Variants in TMUB1 observed in about 807,000 individuals in gnomAD.
The protein encoded by TMUB1 is transmembrane and ubiquitin-like domain-containing protein 1.
In TMUB1, 9 loss-of-function variants were observed where a neutral mutation model predicts 16.2. The observed-to-expected ratio is 0.55, with a 90% CI of 0.33 to 0.97. The LOEUF (loss-of-function observed/expected upper bound fraction) is 0.97, where lower values mean the gene tolerates loss of function less well. Ranked by LOEUF, TMUB1 falls within the 50% of genes least tolerant of loss-of-function variation. The probability of loss-of-function intolerance (pLI) is 0.03; values close to 1 mark genes in which losing one functional copy is unlikely to be tolerated. For missense variants in TMUB1, 309 were observed against 313.5 expected, an observed-to-expected ratio of 0.99 and a Z score of 0.11; for synonymous variants, 155 against 152.2, an observed-to-expected ratio of 1.02 and a Z score of -0.13.
chr7:151,081,443 A>AAGAGGCAGGCCGG lies in TMUB1; in HGVS notation c.*93_*105dup. The AAGAGGCAGGCCGG allele has an allele frequency of 2.2e-6, 3 of 1,366,534 alleles. No homozygotes were observed. The highest frequency in any genetic ancestry group is 2.8e-6 in the Non-Finnish European group (3 of 1,059,928). The allele number at this position is 1,366,534 out of a possible 1,614,324, so 84.7% of individuals were successfully genotyped here. A position where few individuals can be genotyped will look rare whatever the true frequency, so the allele number is the denominator to read the frequency against. ...CAGGGCTGGGCTCCAGGGCGGCGGG[A>AAGAGGCAGGCCGG]AGAGGCAGGCCGGAGAGGCGGGCCT... On this transcript the variant is annotated 3_prime_UTR_variant, in exon 3 of 3. Transcript: ENST00000297533. This position sits in a 1 kb window ranked among gnomAD's most constrained non-coding sequence, Gnocchi z 7.6.
At position 151,081,750 on chromosome 7, in the gene TMUB1, G is replaced by A. The variant is rs1486893707; in HGVS notation, c.540C>T (p.Pro180=). ...HVSTRVGPPN[P]PCPPGSEPGP... Reference sequence around the variant, plus strand: ...CGGGCTCGGACCCCGGCGGGCAGGGGGGATTTGGGGGACCGACTCTCGTGG... The same window carrying A: ...CGGGCTCGGACCCCGGCGGGCAGGGAGGATTTGGGGGACCGACTCTCGTGG... Residue 180 remains proline, a synonymous_variant, in exon 3 of 3, where the codon CCC becomes CCT. Coordinates refer to ENST00000297533, the MANE Select transcript of TMUB1 (RefSeq NM_001136044.2). This position sits in a 1 kb window ranked among gnomAD's most constrained non-coding sequence, Gnocchi z 7.6. 6.3e-7 allele frequency: 1 copy of A among 1,592,652 alleles called. No homozygotes were observed. The highest frequency in any genetic ancestry group is 8.5e-7 in the Non-Finnish European group (1 of 1,171,130).
chr7:151,082,433 G>A lies in TMUB1; in HGVS notation c.131C>T (p.Ser44Leu). 7 of 1,609,216 alleles carry A rather than the reference G, an allele frequency of 4.3e-6. 1 individual carries two copies. The South Asian group carries it at 7.7e-5, about 18-fold the overall frequency. ...AEGGDPLPQP[S>L]GTPTPSQPSA... The stretch of plus-strand genomic sequence containing the variant: ...GGGCTGGGATGGCGTTGGGGTCCCT[G>A]ACGGCTGGGGCAGTGGGTCCCCGCC... Residue 44 changes from serine (S) to leucine (L), a missense_variant, in exon 2 of 3, where the codon TCA becomes TTA. Physicochemically the swap from Ser to Leu is moderately radical, Grantham distance 145 (BLOSUM62 -2). Transcript: ENST00000297533. The surrounding 1 kb of genome is among the most constrained non-coding windows in gnomAD (Gnocchi z 7.0).
In TMUB1 at chr7:151,082,198, G is replaced by A; in HGVS notation, c.366C>T (p.His122=). ...ACCTTTTCAAGGAGCCAATGGTGTC[G>A]TGGGGCCAGGCCCTGGCCACCTGCT... ...DSEQVARAWP[H]DTIGSLKRTQ... The change falls in exon 2 of 3, where the codon CAC becomes CAT. Residue 122 remains histidine (H), a synonymous_variant. Transcript: ENST00000297533. This position sits in a 1 kb window ranked among gnomAD's most constrained non-coding sequence, Gnocchi z 7.0. 3 of 1,512,624 alleles carry A rather than the reference G, an allele frequency of 2.0e-6. No individual in the cohort carries two copies. The highest frequency in any genetic ancestry group is 2.6e-5 in the South Asian group (2 of 75,612). The allele number at this position is 1,512,624 out of a possible 1,614,324, so 93.7% of individuals were successfully genotyped here. A position where few individuals can be genotyped will look rare whatever the true frequency, so the allele number is the denominator to read the frequency against.
In TMUB1 at chr7:151,081,268, C is replaced by T. The variant is rs1428312707; in HGVS notation, c.*281G>A. On this transcript the variant is annotated 3_prime_UTR_variant, in exon 3 of 3. Coordinates refer to ENST00000297533, the MANE Select transcript of TMUB1 (RefSeq NM_001136044.2). The surrounding 1 kb of genome is among the most constrained non-coding windows in gnomAD (Gnocchi z 7.6). Reference sequence around the variant, plus strand: ...GACGGGCCCCCGGGGCGGCCCGGCTCTGCCCGGGGCCGAGGCAGCGACAGC... The same window carrying T: ...GACGGGCCCCCGGGGCGGCCCGGCTTTGCCCGGGGCCGAGGCAGCGACAGC... The T allele has an allele frequency of 6.9e-6, 2 of 291,514 alleles. No individual in the cohort carries two copies. Among genetic ancestry groups the T allele is most frequent in the Non-Finnish European group, 1.1e-5 (2 of 175,734 alleles). The allele number at this position is 291,514 out of a possible 1,614,324, so 18.1% of individuals were successfully genotyped here. A position where few individuals can be genotyped will look rare whatever the true frequency, so the allele number is the denominator to read the frequency against.
Position 151,081,446 on chromosome 7 carries a change from A to G in TMUB1, c.*103T>C. On this transcript the variant is annotated 3_prime_UTR_variant, in exon 3 of 3. Coordinates refer to ENST00000297533, the MANE Select transcript of TMUB1 (RefSeq NM_001136044.2). The surrounding 1 kb of genome is among the most constrained non-coding windows in gnomAD (Gnocchi z 7.6). ...GGCTGGGCTCCAGGGCGGCGGGAAGAGGCAGGCCGGAGAGGCGGGCCTGGG... is the reference window on the plus strand; with the variant it reads ...GGCTGGGCTCCAGGGCGGCGGGAAGGGGCAGGCCGGAGAGGCGGGCCTGGG... 11 of 1,374,970 alleles carry G rather than the reference A, an allele frequency of 8.0e-6. No homozygotes were observed. Among genetic ancestry groups the G allele is most frequent in the Non-Finnish European group, 1.0e-5 (11 of 1,064,428 alleles). The allele number at this position is 1,374,970 out of a possible 1,614,324, so 85.2% of individuals were successfully genotyped here.
Position 151,081,324 on chromosome 7 carries a change from G to C in TMUB1, c.*225C>G. 1.3e-6 allele frequency: 1 copy of C among 750,802 alleles called. No individual in the cohort carries two copies. The highest frequency in any genetic ancestry group is 1.8e-6 in the Non-Finnish European group (1 of 570,306). 46.5% of individuals were successfully genotyped at this position (750,802 alleles called of 1,614,324 possible). On this transcript the variant is annotated 3_prime_UTR_variant, in exon 3 of 3. Transcript: ENST00000297533. This position sits in a 1 kb window ranked among gnomAD's most constrained non-coding sequence, Gnocchi z 7.6. ...CCCGACCCCGAGGAGCCCACTCCCA[G>C]TGCGGGCTGAGGGTCAGCAGCCCCG... is the stretch of plus-strand genomic sequence containing the variant.
Position 151,082,105 on chromosome 7 carries a change from C to T in TMUB1, c.389+70G>A. ...AAGGAGGGCTGGGTCTTAGGTGTCT[C>T]TGGGGGCCTTCTGCGACCACTCTCC... On this transcript the variant is annotated intron_variant, in intron 2 of 2. Transcript: ENST00000297533. The surrounding 1 kb of genome is among the most constrained non-coding windows in gnomAD (Gnocchi z 7.0). The T allele has an allele frequency of 6.7e-7, 1 of 1,484,794 alleles. No individual in the cohort carries two copies. The highest frequency in any genetic ancestry group is 8.9e-7 in the Non-Finnish European group (1 of 1,117,322). 92.0% of individuals were successfully genotyped at this position (1,484,794 alleles called of 1,614,324 possible). A position where few individuals can be genotyped will look rare whatever the true frequency, so the allele number is the denominator to read the frequency against.
In TMUB1 at chr7:151,081,772, G is replaced by A. The variant is rs375651149; in HGVS notation, c.518C>T (p.Thr173Met). 6.3e-7 allele frequency: 1 copy of A among 1,595,222 alleles called. No homozygotes were observed. Among genetic ancestry groups the A allele is most frequent in the Non-Finnish European group, 8.5e-7 (1 of 1,172,116 alleles). The change falls in exon 3 of 3, where the codon ACG becomes ATG. Residue 173 changes from threonine (T) to methionine (M), a missense_variant. Thr to Met is a moderately conservative substitution (Grantham distance 81, BLOSUM62 -1). Coordinates refer to ENST00000297533, the MANE Select transcript of TMUB1 (RefSeq NM_001136044.2). This position sits in a 1 kb window ranked among gnomAD's most constrained non-coding sequence, Gnocchi z 7.6. ...GGGGGGATTTGGGGGACCGACTCTC[G>A]TGGACACGTGGCAGTGGAGAACGCA... is the stretch of plus-strand genomic sequence containing the variant. ...PNCVLHCHVS[T>M]RVGPPNPPCP...
chr7:151,081,732 G>A lies in TMUB1; in HGVS notation c.558C>T (p.Ser186=). The change falls in exon 3 of 3, where the codon TCC becomes TCT. Residue 186 remains serine (S), a synonymous_variant. Transcript: ENST00000297533. The surrounding 1 kb of genome is among the most constrained non-coding windows in gnomAD (Gnocchi z 7.6). The part of the protein sequence containing the change: ...GPPNPPCPPG[S]EPGPSGLEIG... ...TTTCCAGCCCGGAGGGGCCGGGCTC[G>A]GACCCCGGCGGGCAGGGGGGATTTG... The A allele has an allele frequency of 6.3e-7, 1 of 1,586,322 alleles. No homozygotes were observed.
chr7:151,083,141 G>C lies in TMUB1; in HGVS notation c.-31+293C>G, dbSNP rs1332276303. ...ACAGCAAACGTCAAACTCCGCCCCT[G>C]GGCAATCTGGAGCCACCGAGCGTCA... On this transcript the variant is annotated intron_variant, in intron 1 of 2. Coordinates refer to ENST00000297533, the MANE Select transcript of TMUB1 (RefSeq NM_001136044.2). The surrounding 1 kb of genome is among the most constrained non-coding windows in gnomAD (Gnocchi z 5.9). The C allele has an allele frequency of 2.1e-5, 3 of 144,564 alleles. No individual in the cohort carries two copies. In the East Asian group the frequency reaches 6.2e-4, roughly 30 times the overall value. The allele number at this position is 144,564 out of a possible 1,614,324, so 9.0% of individuals were successfully genotyped here.
rs534751293 is a variant in TMUB1, at chr7:151,082,070, C to T, written c.389+105G>A. On this transcript the variant is annotated intron_variant, in intron 2 of 2. Coordinates refer to ENST00000297533, the MANE Select transcript of TMUB1 (RefSeq NM_001136044.2). This position sits in a 1 kb window ranked among gnomAD's most constrained non-coding sequence, Gnocchi z 7.0. ...AGTTGTGATCTGGGGCGCTCAGCGC[C>T]TCCAGTATAAAGGAGGGCTGGGTCT... 1.0e-4 allele frequency: 146 copies of T among 1,444,114 alleles called. No individual in the cohort carries two copies. The South Asian group carries it at 2.1e-3, about 20-fold the overall frequency. 89.5% of individuals were successfully genotyped at this position (1,444,114 alleles called of 1,614,324 possible).
chr7:151,082,360 C>T lies in TMUB1; in HGVS notation c.204G>A (p.Gly68=), dbSNP rs137941603. The change falls in exon 2 of 3, where the codon GGG becomes GGA. Residue 68 remains glycine, a synonymous_variant. Transcript: ENST00000297533. The surrounding 1 kb of genome is among the most constrained non-coding windows in gnomAD (Gnocchi z 7.0). Reference sequence around the variant, plus strand: ...TGTGTCTCAGGCTGGGGGTCTCTGCCCCTGGGGCCTCCCCTCTCATGCTGT... The same window carrying T: ...TGTGTCTCAGGCTGGGGGTCTCTGCTCCTGGGGCCTCCCCTCTCATGCTGT... ...ATDSMRGEAP[G]AETPSLRHRG... The T allele has an allele frequency of 3.3e-3, 5,323 of 1,596,434 alleles. 7 individuals are homozygous for T. Among genetic ancestry groups the T allele is most frequent in the Non-Finnish European group, 4.0e-3 (4,670 of 1,170,972 alleles).
In TMUB1 at chr7:151,082,596, G is replaced by A. The variant is rs377010543; in HGVS notation, c.-30-3C>T. 4 of 1,475,272 alleles carry A rather than the reference G, an allele frequency of 2.7e-6. No homozygotes were observed. The African/African-American group carries it at 4.3e-5, about 16-fold the overall frequency. 91.4% of individuals were successfully genotyped at this position (1,475,272 alleles called of 1,614,324 possible). On this transcript the variant is annotated splice_polypyrimidine_tract_variant and splice_region_variant and intron_variant, in intron 1 of 2. Transcript: ENST00000297533. The surrounding 1 kb of genome is among the most constrained non-coding windows in gnomAD (Gnocchi z 7.0). ...GCCTTGCCCGCCGCGCTACCGAGCT[G>A]GAGAGGCACAAAGAGCCCGTGAGGC...
chr7:151,082,365 G>A lies in TMUB1; in HGVS notation c.199C>T (p.Pro67Ser), dbSNP rs1270698795. The A allele has an allele frequency of 6.3e-7, 1 of 1,596,004 alleles. No homozygotes were observed. The highest frequency in any genetic ancestry group is 2.2e-5 in the East Asian group (1 of 44,502). The change falls in exon 2 of 3, where the codon CCA becomes TCA. Residue 67 changes from proline to serine, a missense_variant. Physicochemically the swap from Pro to Ser is moderately conservative, Grantham distance 74 (BLOSUM62 -1). Coordinates refer to ENST00000297533, the MANE Select transcript of TMUB1 (RefSeq NM_001136044.2). This position sits in a 1 kb window ranked among gnomAD's most constrained non-coding sequence, Gnocchi z 7.0. ...CTCAGGCTGGGGGTCTCTGCCCCTG[G>A]GGCCTCCCCTCTCATGCTGTCGGTA... ...AATDSMRGEA[P>S]GAETPSLRHR...
At position 151,082,205 on chromosome 7, in the gene TMUB1, C is replaced by G; in HGVS notation, c.359G>C (p.Trp120Ser). ...LNDSEQVARAWPHDTIGSLKR... is the reference protein window; with the variant it reads ...LNDSEQVARASPHDTIGSLKR... ...CAAGGAGCCAATGGTGTCGTGGGGC[C>G]AGGCCCTGGCCACCTGCTCTGAATC... Residue 120 changes from tryptophan (W) to serine (S), a missense_variant, in exon 2 of 3, where the codon TGG (tryptophan) becomes TCG (serine). Coordinates refer to ENST00000297533, the MANE Select transcript of TMUB1 (RefSeq NM_001136044.2). This position sits in a 1 kb window ranked among gnomAD's most constrained non-coding sequence, Gnocchi z 7.0. The G allele has an allele frequency of 6.6e-7, 1 of 1,521,642 alleles. No homozygotes were observed. The highest frequency in any genetic ancestry group is 8.8e-7 in the Non-Finnish European group (1 of 1,133,238). 94.3% of individuals were successfully genotyped at this position (1,521,642 alleles called of 1,614,324 possible).
At position 151,083,182 on chromosome 7, in the gene TMUB1, G is replaced by C. The variant is rs1798042790; in HGVS notation, c.-31+252C>G. ...CCGAGCGTCACCACCCACCCAGCTC[G>C]GCCCCCTCCAGGTCCCCTCAACCCC... On this transcript the variant is annotated intron_variant, in intron 1 of 2. Coordinates refer to ENST00000297533, the MANE Select transcript of TMUB1 (RefSeq NM_001136044.2). This position sits in a 1 kb window ranked among gnomAD's most constrained non-coding sequence, Gnocchi z 5.9. 1 of 151,630 alleles carries C rather than the reference G, an allele frequency of 6.6e-6. No individual in the cohort carries two copies. Among genetic ancestry groups the C allele is most frequent in the Admixed American group, 6.6e-5 (1 of 15,210 alleles). The allele number at this position is 151,630 out of a possible 1,614,324, so 9.4% of individuals were successfully genotyped here.
In TMUB1 at chr7:151,082,232, T is replaced by C. The variant is rs1267406548; in HGVS notation, c.332A>G (p.Asn111Ser). The C allele has an allele frequency of 2.6e-6, 4 of 1,547,206 alleles. No individual in the cohort carries two copies. The highest frequency in any genetic ancestry group is 1.4e-5 in the African/African-American group (1 of 72,550). Residue 111 changes from asparagine (N) to serine (S), a missense_variant, in exon 2 of 3, where the codon AAT (asparagine) becomes AGT (serine). Transcript: ENST00000297533. The surrounding 1 kb of genome is among the most constrained non-coding windows in gnomAD (Gnocchi z 7.0). ...GGCCCTGGCCACCTGCTCTGAATCATTGAGGAATTTCAGCCGTAGCACGAG... is the reference window on the plus strand; with the variant it reads ...GGCCCTGGCCACCTGCTCTGAATCACTGAGGAATTTCAGCCGTAGCACGAG... ...EPLVLRLKFL[N>S]DSEQVARAWP...
At position 151,081,501 on chromosome 7, in the gene TMUB1, A is replaced by T; in HGVS notation, c.*48T>A. On this transcript the variant is annotated 3_prime_UTR_variant, in exon 3 of 3. Transcript: ENST00000297533. The surrounding 1 kb of genome is among the most constrained non-coding windows in gnomAD (Gnocchi z 7.6). ...CAGCAGCTCCCGCCGCGGCGCGGGG[A>T]GCAAGGTCCGGAGGGGCCGGCGACG... The T allele has an allele frequency of 6.9e-7, 1 of 1,457,722 alleles. No individual in the cohort carries two copies. The highest frequency in any genetic ancestry group is 1.4e-5 in the South Asian group (1 of 69,916). The allele number at this position is 1,457,722 out of a possible 1,614,324, so 90.3% of individuals were successfully genotyped here.
In TMUB1 at chr7:151,081,382, C is replaced by G; in HGVS notation, c.*167G>C. 8.4e-7 allele frequency: 1 copy of G among 1,191,818 alleles called. No homozygotes were observed. Among genetic ancestry groups the G allele is most frequent in the Non-Finnish European group, 1.0e-6 (1 of 954,692 alleles). The allele number at this position is 1,191,818 out of a possible 1,614,324, so 73.8% of individuals were successfully genotyped here. Reference sequence around the variant, plus strand: ...GCCCCGAGCCCCGGCGGTCGCAGGGCGGGGCCTCCGCCAGTCCCGGGAGTC... The same window carrying G: ...GCCCCGAGCCCCGGCGGTCGCAGGGGGGGGCCTCCGCCAGTCCCGGGAGTC... On this transcript the variant is annotated 3_prime_UTR_variant, in exon 3 of 3. Coordinates refer to ENST00000297533, the MANE Select transcript of TMUB1 (RefSeq NM_001136044.2). This position sits in a 1 kb window ranked among gnomAD's most constrained non-coding sequence, Gnocchi z 7.6.
Sources: allele counts gnomAD v4.1 joint callset, GRCh38; gene constraint gnomAD v4.1.1; non-coding constraint Gnocchi (gnomAD v3.1); transcripts MANE v1.5; gene names NCBI Gene and HGNC (gene_info 2026-07-23, HGNC 2026-07-21).